The following RARB variants were observed in gnomAD, a reference collection of about 807,000 sequenced individuals.
RARB encodes HBV-activated protein.
Under a neutral mutation model 51.9 loss-of-function variants are expected in RARB, and 17 were observed. The ratio of observed to expected loss-of-function variants is 0.33; its 90% CI spans 0.22 to 0.49. The LOEUF (loss-of-function observed/expected upper bound fraction) is 0.49. Ranked by LOEUF, RARB falls within the 20% of genes least tolerant of loss-of-function variation. The pLI is 0.99. For synonymous variants in RARB, 215 were observed against 195.4 expected (o/e 1.10, Z -0.84); for missense variants, 369 against 550.8 (o/e 0.67, Z 3.30).
intron 5 of RARB, among the ~76,000 whole-genome samples, chr3:25,292,352 A>T (rs572981792): frequency 6.6e-6 from 1 of 152,268 alleles, no homozygotes; most frequent in South Asian, 2.1e-4. Context: ...ACAGAGTCTA[A>T]AGGCAAAGTG....
chr3:25,318,373 A>G (rs928595839), intron 5 of RARB, among the ~76,000 whole-genome samples: 2 of 152,210 alleles, frequency 1.3e-5, no homozygotes, highest in Non-Finnish European at 2.9e-5. Flanking sequence ...TATAGTGGCT[A>G]ATGTGTCTAA....
intron 2 of RARB, among the ~76,000 whole-genome samples, chr3:24,975,190 T>A (rs1240960508): frequency 8.5e-5 from 13 of 152,154 alleles, no homozygotes; most frequent in Non-Finnish European, 1.8e-4. Flanking sequence ...TGAAATTAAA[T>A]CCTGGCTGTC....
chr3:25,465,501 T>C (rs1056878456), intron 2 of RARB, among the ~76,000 whole-genome samples: 7 of 152,322 alleles, frequency 4.6e-5, no homozygotes, highest in Admixed American at 4.6e-4. Flanking sequence ...ATAACCAGGA[T>C]GACCTAATTG....
At chr3:25,114,163 T>G (rs1699648187) in intron 3 of RARB, among the ~76,000 whole-genome samples, 1 of 152,160 alleles carries the variant, frequency 6.6e-6, no homozygotes, top group South Asian at 2.1e-4. Flanking sequence ...TTACAATATT[T>G]GTGTTTAAAG....
chr3:25,402,698 A>G (rs1450594553), intron 5 of RARB, among the ~76,000 whole-genome samples: 2 of 152,202 alleles, frequency 1.3e-5, no homozygotes, highest in Non-Finnish European at 2.9e-5. Context: ...GAAATAAGCC[A>G]GGCGCAGAAA....
rs898439942 is a variant in RARB, at chr3:25,547,939, C to A, written c.449-21819C>A. ...AAATACAAACCCAATATAAAAACCC[C>A]TCATTTCTGTTGGAAGTAAGTAAAG... On this transcript the variant is annotated intron_variant, in intron 3 of 7. Coordinates refer to ENST00000330688, the MANE Select transcript of RARB (RefSeq NM_000965.5). Among the ~76,000 whole-genome samples, 3 of 152,034 alleles carry A rather than the reference C, an allele frequency of 2.0e-5. No homozygotes were observed. The East Asian group carries it at 5.8e-4, about 29-fold the overall frequency.
At chr3:25,318,595 T>C (rs1704486402) in intron 5 of RARB, among the ~76,000 whole-genome samples, 1 of 152,166 alleles carries the variant, frequency 6.6e-6, no homozygotes, top group Non-Finnish European at 1.5e-5. Context: ...CACTTGGAAA[T>C]GTATGTGTAG....
chr3:25,291,019 G>C (rs1559345984), intron 5 of RARB, among the ~76,000 whole-genome samples: 1 of 152,184 alleles, frequency 6.6e-6, no homozygotes, highest in Non-Finnish European at 1.5e-5. Flanking sequence ...TTGGTAAAGA[G>C]ACAAATTTTG....
At chr3:25,084,124 T>C (rs1478071156) in intron 3 of RARB, among the ~76,000 whole-genome samples, 3 of 152,206 alleles carry the variant, frequency 2.0e-5, no homozygotes, top group Non-Finnish European at 4.4e-5. Flanking sequence ...ACTTCTTCCC[T>C]ATTTGGTACC....
chr3:25,389,857 T>A (rs1706899353), intron 5 of RARB, among the ~76,000 whole-genome samples: 1 of 152,094 alleles, frequency 6.6e-6, no homozygotes, highest in Non-Finnish European at 1.5e-5. Flanking sequence ...AGCCTGAAAA[T>A]GTCTAAAAGA....
At chr3:25,193,904 ATTAATCAG>A (rs1250444706) in intron 5 of RARB, among the ~76,000 whole-genome samples, 1 of 43,558 alleles carries the variant, frequency 2.3e-5, no homozygotes, top group Non-Finnish European at 4.6e-5. Flanking sequence ...TGTATATGTA[ATTAATCAG>A]TTAGTAAGAT....
At chr3:25,349,210 G>A (rs1705486463) in intron 5 of RARB, among the ~76,000 whole-genome samples, 1 of 152,124 alleles carries the variant, frequency 6.6e-6, no homozygotes, top group South Asian at 2.1e-4. Flanking sequence ...TGCACTACCT[G>A]GTAAATTCAT....
chr3:25,575,329 G>A (rs1700884138), intron 4 of RARB, among the ~76,000 whole-genome samples: 1 of 152,230 alleles, frequency 6.6e-6, no homozygotes, highest in Admixed American at 6.5e-5. Flanking sequence ...CCAGGGCTTG[G>A]GGACCCCTGA....
At position 25,597,332 on chromosome 3, in the gene RARB, A is replaced by T. The variant is rs1023873420; in HGVS notation, c.*716A>T. The T allele has an allele frequency of 1.3e-5, 2 of 152,626 alleles. No homozygotes were observed. The highest frequency in any genetic ancestry group is 4.8e-5 in the African/African-American group (2 of 41,468). The allele number at this position is 152,626 out of a possible 1,614,324, so 9.5% of individuals were successfully genotyped here. A position where few individuals can be genotyped will look rare whatever the true frequency, so the allele number is the denominator to read the frequency against. On this transcript the variant is annotated 3_prime_UTR_variant, in exon 8 of 8. Coordinates refer to ENST00000330688, the MANE Select transcript of RARB (RefSeq NM_000965.5). ...AGTGTAACTGCCAGTTCAGTTAATCAAATGTCATTTGTTCAATTGTTAATG... is the reference window on the plus strand; with the variant it reads ...AGTGTAACTGCCAGTTCAGTTAATCTAATGTCATTTGTTCAATTGTTAATG...
chr3:25,098,773 G>T (rs554679825), intron 3 of RARB, among the ~76,000 whole-genome samples: 5 of 152,112 alleles, frequency 3.3e-5, no homozygotes, highest in Non-Finnish European at 7.4e-5. Context: ...TACTGACCCC[G>T]ATCCTAAATA....
intron 5 of RARB, among the ~76,000 whole-genome samples, chr3:25,201,029 G>C (rs2125370581): frequency 6.6e-6 from 1 of 152,252 alleles, no homozygotes; most frequent in South Asian, 2.1e-4. Flanking sequence ...AAATTACCTT[G>C]GGCAGTATGG....
intron 5 of RARB, among the ~76,000 whole-genome samples, chr3:25,299,233 C>A (rs966919207): frequency 9.9e-5 from 15 of 152,124 alleles, no homozygotes; most frequent in African/African-American, 3.6e-4. Context: ...AATCCCTCAA[C>A]TTTAATAGCA....
At chr3:25,000,000 C>G (rs1559428398) in intron 2 of RARB, among the ~76,000 whole-genome samples, 1 of 56,888 alleles carries the variant, frequency 1.8e-5, no homozygotes, top group Non-Finnish European at 3.1e-5. Flanking sequence ...CTCCTGAGAT[C>G]TGTCCAGGAG....
intron 5 of RARB, among the ~76,000 whole-genome samples, chr3:25,334,522 C>T (rs1272897055): frequency 3.9e-5 from 6 of 151,922 alleles, no homozygotes; most frequent in South Asian, 2.1e-4. Context: ...CACACTGGGG[C>T]CTGTTGTGGG....
Sources: allele counts gnomAD v4.1 joint callset (sites outside exome capture counted in the v4.1 genomes callset), GRCh38; gene constraint gnomAD v4.1.1; transcripts MANE v1.5; gene names NCBI Gene and HGNC (gene_info 2026-07-23, HGNC 2026-07-21).